DIAPH2: variants seen among roughly 807,000 people sequenced by gnomAD.
DIAPH2 encodes the protein protein diaphanous homolog 2.
DIAPH2 carries 35 observed loss-of-function variants against 92.7 expected under a neutral mutation model. That is an observed-to-expected ratio of 0.38 (90% confidence interval 0.29 to 0.50). The LOEUF (loss-of-function observed/expected upper bound fraction) is 0.50, where lower values mean the gene tolerates loss of function less well. DIAPH2 is among the 20% of genes least tolerant of loss of function. DIAPH2 has a pLI of 0.94. For missense variants in DIAPH2, 701 were observed against 819.5 expected, an observed-to-expected ratio of 0.86 and a Z score of 1.77; for synonymous variants, 301 against 280.4, an observed-to-expected ratio of 1.07 and a Z score of -0.73.
intron 24 of DIAPH2, among the ~76,000 whole-genome samples, chrX:97,350,996 G>A (rs1304216562): frequency 1.8e-5 from 2 of 112,159 alleles, no homozygotes; most frequent in Non-Finnish European, 3.8e-5. Context: ...GATCCTAAAT[G>A]TGTCAACCAA....
chrX:96,929,195 T>C (rs921286950), intron 9 of DIAPH2, among the ~76,000 whole-genome samples: 1 of 111,661 alleles, frequency 9.0e-6, no homozygotes, highest in Non-Finnish European at 1.9e-5. Flanking sequence ...TGTGGACATG[T>C]ACAGTATGCA....
chrX:97,004,820 G>C (rs2066169069), intron 17 of DIAPH2, among the ~76,000 whole-genome samples: 1 of 111,717 alleles, frequency 9.0e-6, no homozygotes, highest in African/African-American at 3.3e-5. Context: ...GCTCTAGCTA[G>C]GGCTTCCAGT....
At chrX:97,279,586 T>A (rs937930196) in intron 23 of DIAPH2, among the ~76,000 whole-genome samples, 1 of 111,013 alleles carries the variant, frequency 9.0e-6, no homozygotes, top group African/African-American at 3.3e-5. Context: ...TTTTTTTTTT[T>A]AATTTGAGCT....
intron 3 of DIAPH2, among the ~76,000 whole-genome samples, chrX:96,756,911 C>CTTTTTTTTT (rs1172916942): frequency 1.4e-4 from 8 of 58,797 alleles, no homozygotes; most frequent in Admixed American, 5.0e-4. Flanking sequence ...ATTTATATAT[C>CTTTTTTTTT]TTTTTTTTTT....
chrX:97,049,165 A>C (rs1188451375), intron 17 of DIAPH2, among the ~76,000 whole-genome samples: 1 of 110,675 alleles, frequency 9.0e-6, no homozygotes, highest in Non-Finnish European at 1.9e-5. Flanking sequence ...GATGCAGGTG[A>C]GAGGTAATTT....
At chrX:97,447,964 G>A (rs1372469907) in intron 26 of DIAPH2, among the ~76,000 whole-genome samples, 1 of 111,920 alleles carries the variant, frequency 8.9e-6, no homozygotes, top group Non-Finnish European at 1.9e-5. Context: ...AATAGTCACT[G>A]CTTTTGAAGT....
chrX:97,031,049 C>T (rs777750510), intron 17 of DIAPH2, among the ~76,000 whole-genome samples: 1 of 111,724 alleles, frequency 9.0e-6, no homozygotes, highest in East Asian at 2.8e-4. Flanking sequence ...CTGTCCAGCT[C>T]ATTAGTTGTT....
chrX:96,945,215 C>T (rs191126173), intron 13 of DIAPH2, among the ~76,000 whole-genome samples: 1 of 110,887 alleles, frequency 9.0e-6, no homozygotes, highest in East Asian at 2.8e-4. Context: ...CACCTCTCCA[C>T]CCATAATAAA....
intron 1 of DIAPH2, among the ~76,000 whole-genome samples, chrX:96,716,572 A>G (rs1248634552): frequency 9.0e-6 from 1 of 111,442 alleles, no homozygotes; most frequent in African/African-American, 3.3e-5. Context: ...CCACCCTCAC[A>G]ATCAAGACAG....
chrX:97,298,800 A>T (rs2068669378), intron 23 of DIAPH2, among the ~76,000 whole-genome samples: 1 of 109,371 alleles, frequency 9.1e-6, no homozygotes, highest in Non-Finnish European at 1.9e-5. Flanking sequence ...TGTATTTTTT[A>T]GTAGAGACGG....
intron 26 of DIAPH2, among the ~76,000 whole-genome samples, chrX:97,503,786 T>C (rs1390561517): frequency 9.0e-6 from 1 of 111,464 alleles, no homozygotes; most frequent in Non-Finnish European, 1.9e-5. Context: ...ATTAAGAAAA[T>C]CCCAGTGGCA....
At chrX:97,149,665 A>G (rs1377171980) in intron 22 of DIAPH2, among the ~76,000 whole-genome samples, 5 of 94,420 alleles carry the variant, frequency 5.3e-5, no homozygotes, top group African/African-American at 1.9e-4. Context: ...CAGGAGGTAG[A>G]GGCTGCAGTG....
chrX:97,161,315 A>G, intron 22 of DIAPH2, among the ~76,000 whole-genome samples: 1 of 111,291 alleles, frequency 9.0e-6, no homozygotes. Flanking sequence ...ATAAAAATTT[A>G]CTTATTTGTT....
chrX:96,742,963 C>T (rs6615855), intron 3 of DIAPH2, among the ~76,000 whole-genome samples: 15,646 of 111,833 alleles, frequency 0.14, 880 homozygotes, highest in East Asian at 0.32. Context: ...TGTGCCCAGC[C>T]GATTCCTGTT....
At chrX:97,070,095 C>T (rs1054891223) in intron 17 of DIAPH2, among the ~76,000 whole-genome samples, 2 of 111,237 alleles carry the variant, frequency 1.8e-5, no homozygotes, top group African/African-American at 6.5e-5. Context: ...GGATTATCTT[C>T]CTACAGACAG....
At chrX:97,038,203 G>C (rs1569285590) in intron 17 of DIAPH2, among the ~76,000 whole-genome samples, 1 of 111,196 alleles carries the variant, frequency 9.0e-6, no homozygotes, top group Non-Finnish European at 1.9e-5. Context: ...TCTTCTTTGT[G>C]GCTGAGTCGT....
intron 17 of DIAPH2, among the ~76,000 whole-genome samples, chrX:97,052,413 G>A (rs113320973): frequency 0.036 from 3,982 of 110,894 alleles, 201 homozygotes; most frequent in African/African-American, 0.12. Context: ...GGAAGCAGGG[G>A]TACCTTTAGG....
At chrX:97,209,296 C>T (rs1432926200) in intron 22 of DIAPH2, among the ~76,000 whole-genome samples, 1 of 110,835 alleles carries the variant, frequency 9.0e-6, no homozygotes, top group Non-Finnish European at 1.9e-5. Flanking sequence ...TCATCACAGC[C>T]TCAAAAACAG....
intron 17 of DIAPH2, among the ~76,000 whole-genome samples, chrX:97,050,435 G>C (rs754108839): frequency 3.7e-5 from 4 of 108,072 alleles, no homozygotes; most frequent in Non-Finnish European, 7.7e-5. Flanking sequence ...TATATTAAAA[G>C]AATTTATTTT....
Sources: allele counts gnomAD v4.1 joint callset (sites outside exome capture counted in the v4.1 genomes callset), GRCh38; gene constraint gnomAD v4.1.1; transcripts MANE v1.5; gene names NCBI Gene and HGNC (gene_info 2026-07-23, HGNC 2026-07-21).